Variants in TSC2 observed in about 807,000 individuals in gnomAD.
The protein encoded by TSC2 is TSC complex subunit 2, also known as tuberin.
In TSC2, 29 loss-of-function variants were observed where a neutral mutation model predicts 202.2. The ratio of observed to expected loss-of-function variants is 0.14; its 90% CI spans 0.11 to 0.20. The LOEUF (loss-of-function observed/expected upper bound fraction) is 0.20, where lower values mean the gene tolerates loss of function less well. Among genes scored for constraint, TSC2 ranks in the 10% least tolerant of loss-of-function variants. The pLI is 1.00. For missense variants in TSC2, 2,429 were observed against 2,420.0 expected (o/e 1.00, Z -0.08); for synonymous variants, 1,349 against 1,044.0 (o/e 1.29, Z -5.63).
In TSC2 at chr16:2,079,516, T is replaced by TG. The variant is rs973519533; in HGVS notation, c.3285-37dup. 2.5e-6 allele frequency: 4 copies of TG among 1,605,560 alleles called. No individual in the cohort carries two copies. In the African/African-American group the frequency reaches 5.4e-5, roughly 21 times the overall value. ...CCCACGTGGCACCCTCGTACCAGCC[T>TG]GGGGACTAAGTCCACCCTGTGCGTG... On this transcript the variant is annotated intron_variant, in intron 28 of 41. Coordinates refer to ENST00000219476, the MANE Select transcript of TSC2 (RefSeq NM_000548.5). The surrounding 1 kb of genome is among the most constrained non-coding windows in gnomAD (Gnocchi z 4.6).
chr16:2,084,514 C>T lies in TSC2; in HGVS notation c.4292C>T (p.Ser1431Leu), dbSNP rs375785710. Residue 1431 changes from serine (S) to leucine (L), a missense_variant, in exon 34 of 42, where the codon TCG becomes TTG. Physicochemically the swap from Ser to Leu is moderately radical, Grantham distance 145. Coordinates refer to ENST00000219476, the MANE Select transcript of TSC2 (RefSeq NM_000548.5). ...GTLDGESAAW[S>L]ASGEDSRGQP... Reference sequence around the variant, plus strand: ...CTGGACGGGGAAAGTGCTGCCTGGTCGGCCTCGGGCGAAGACAGTCGGGGC... The same window carrying T: ...CTGGACGGGGAAAGTGCTGCCTGGTTGGCCTCGGGCGAAGACAGTCGGGGC... The T allele has an allele frequency of 1.8e-5, 29 of 1,608,686 alleles. No individual in the cohort carries two copies. The highest frequency in any genetic ancestry group is 1.7e-4 in the Middle Eastern group (1 of 6,058).
intron 41 of TSC2, 55 bp downstream of exon 41, chr16:2,088,380 C>A (rs370562614): frequency 6.2e-7 from 1 of 1,612,156 alleles, no homozygotes. Context: ...AGCTGTGGGG[C>A]GGGTGTGTGG....
At position 2,088,895 on chromosome 16, in the gene TSC2, A is replaced by ACACC; in HGVS notation, c.*288_*289insCCAC. On this transcript the variant is annotated 3_prime_UTR_variant, in exon 42 of 42. Transcript: ENST00000219476. ...CGTGCGCGCGCGCACACACACACACACACAGTCACCTTCCTCCACCCTGGG... is the reference window on the plus strand; with the variant it reads ...CGTGCGCGCGCGCACACACACACACACACCCACAGTCACCTTCCTCCACCCTGGG... 2.3e-6 allele frequency: 1 copy of ACACC among 427,140 alleles called. No homozygotes were observed. The allele number at this position is 427,140 out of a possible 1,614,324, so 26.5% of individuals were successfully genotyped here. A position where few individuals can be genotyped will look rare whatever the true frequency, so the allele number is the denominator to read the frequency against.
rs370553131 is a variant in TSC2 at position 2,071,909 on chromosome 16, G to A, written c.2072G>A (p.Arg691His). 1.8e-5 allele frequency: 28 copies of A among 1,592,226 alleles called. No homozygotes were observed. The highest frequency in any genetic ancestry group is 4.0e-5 in the African/African-American group (3 of 74,554). The change falls in exon 19 of 42, where the codon CGC (arginine) becomes CAC (histidine). Residue 691 changes from arginine (R) to histidine (H), a missense_variant. By Grantham distance (29) the Arg-to-His change is conservative (BLOSUM62 0). Transcript: ENST00000219476. Reference protein sequence around the residue: ...LGSVPYSLLFRVLLQCLKQES... With the variant: ...LGSVPYSLLFHVLLQCLKQES... ...TCCGTGCCCTACTCCCTGCTCTTCCGCGTCCTGCTGCAGTGCTTGAAGCAG... is the reference window on the plus strand; with the variant it reads ...TCCGTGCCCTACTCCCTGCTCTTCCACGTCCTGCTGCAGTGCTTGAAGCAG...
intron 9 of TSC2, 44 bp from the exon 10 acceptor site, chr16:2,058,703 A>G (rs773676026): frequency 6.4e-7 from 1 of 1,555,858 alleles, no homozygotes; most frequent in Admixed American, 1.9e-5. Flanking sequence ...GGACCCTGGG[A>G]CAGGGCCCTG....
chr16:2,081,627 C>T lies in TSC2; in HGVS notation c.3643C>T (p.Pro1215Ser), dbSNP rs1555512332. The T allele has an allele frequency of 6.2e-7, 1 of 1,612,900 alleles. No homozygotes were observed. The highest frequency in any genetic ancestry group is 8.5e-7 in the Non-Finnish European group (1 of 1,180,004). The change falls in exon 31 of 42, where the codon CCG becomes TCG. Residue 1215 changes from proline to serine, a missense_variant. Physicochemically the swap from Pro to Ser is moderately conservative, Grantham distance 74. Coordinates refer to ENST00000219476, the MANE Select transcript of TSC2 (RefSeq NM_000548.5). ...NTSWLMSLEN[P>S]LSPFSSDINN... ...CAGCTGGCTGATGAGCCTGGAGAAC[C>T]CGCTCAGCCCTTTCTCCTCGGACAT...
rs1458277546 is a variant in TSC2 at position 2,079,736 on chromosome 16, G to A, written c.3397+67G>A. 6.7e-7 allele frequency: 1 copy of A among 1,492,534 alleles called. No homozygotes were observed. The highest frequency in any genetic ancestry group is 1.4e-5 in the African/African-American group (1 of 71,998). 92.5% of individuals were successfully genotyped at this position (1,492,534 alleles called of 1,614,324 possible). A position where few individuals can be genotyped will look rare whatever the true frequency, so the allele number is the denominator to read the frequency against. On this transcript the variant is annotated intron_variant, in intron 29 of 41. Transcript: ENST00000219476. The surrounding 1 kb of genome is among the most constrained non-coding windows in gnomAD (Gnocchi z 4.6). Reference sequence around the variant, plus strand: ...TCCCTCAGTTGCTGCTGGTCCCAGTGTTCAGGAAGGCCCCGAGCCCAGGGG... The same window carrying A: ...TCCCTCAGTTGCTGCTGGTCCCAGTATTCAGGAAGGCCCCGAGCCCAGGGG...
At chr16:2,055,932 G>A in intron 6 of TSC2, 1 of 568,302 alleles carries the variant, frequency 1.8e-6, no homozygotes, top group Non-Finnish European at 3.2e-6. Context: ...GCTATCTTCT[G>A]TTTAGCTCTC....
rs2091260004 is a variant in TSC2, at chr16:2,088,831, AGGGCCTTGAGGCTGCCT to A, written c.*227_*243del. 1 of 618,284 alleles carries A rather than the reference AGGGCCTTGAGGCTGCCT, an allele frequency of 1.6e-6. No individual in the cohort carries two copies. The highest frequency in any genetic ancestry group is 3.0e-5 in the Admixed American group (1 of 33,322). The allele number at this position is 618,284 out of a possible 1,614,324, so 38.3% of individuals were successfully genotyped here. On this transcript the variant is annotated 3_prime_UTR_variant, in exon 42 of 42. Transcript: ENST00000219476. ...ACAGAAGCAGGCACAGCCAGCTCCG[AGGGCCTTGAGGCTGCCT>A]GGGCCATACAGCACACTCGCGCGTG...
intron 5 of TSC2, chr16:2,054,704 G>A (rs1428020909): frequency 5.5e-6 from 3 of 543,526 alleles, no homozygotes; most frequent in Non-Finnish European, 9.9e-6. Flanking sequence ...CCTCTGCAAC[G>A]GCAGGAGCTG....
rs1203541600 is a variant in TSC2 at position 2,084,684 on chromosome 16, A to G, written c.4462A>G (p.Asn1488Asp). Residue 1488 changes from asparagine to aspartate, a missense_variant, in exon 34 of 42, where the codon AAT becomes GAT. By Grantham distance (23) the Asn-to-Asp change is conservative (BLOSUM62 1). Transcript: ENST00000219476. ...DALKSRATAS[N>D]AEKVPGINPS... ...CTTAAAGAGCAGAGCCACAGCCTCC[A>G]ATGCAGAGAAAGTGCCAGGCATCAA... 4 of 1,598,614 alleles carry G rather than the reference A, an allele frequency of 2.5e-6. No individual in the cohort carries two copies. Among genetic ancestry groups the G allele is most frequent in the South Asian group, 2.2e-5 (2 of 91,088 alleles).
chr16:2,082,242 C>G (rs137909979), intron 31 of TSC2, 194 bp from the exon 32 acceptor site: 109 of 647,284 alleles, frequency 1.7e-4, no homozygotes, highest in South Asian at 1.2e-3. Flanking sequence ...GACGTCTATT[C>G]ACGGGAGGAG....
chr16:2,082,234 C>T (rs1017126825), intron 31 of TSC2: 65 of 631,352 alleles, frequency 1.0e-4, no homozygotes, highest in Non-Finnish European at 1.4e-4. Flanking sequence ...CGGCCTAGGA[C>T]GTCTATTCAC....
In TSC2 at chr16:2,085,429, C is replaced by T. The variant is rs911660290; in HGVS notation, c.4662+107C>T. On this transcript the variant is annotated intron_variant, in intron 36 of 41. Coordinates refer to ENST00000219476, the MANE Select transcript of TSC2 (RefSeq NM_000548.5). ...AACGCCCCACAGAGCTCAACACTGCCGGGTCCCCTACAGCATGAAGTGCTC... is the reference window on the plus strand; with the variant it reads ...AACGCCCCACAGAGCTCAACACTGCTGGGTCCCCTACAGCATGAAGTGCTC... 78 of 1,203,698 alleles carry T rather than the reference C, an allele frequency of 6.5e-5. 1 individual carries two copies. Among genetic ancestry groups the T allele is most frequent in the Admixed American group, 3.6e-4 (19 of 53,444 alleles). The allele number at this position is 1,203,698 out of a possible 1,614,324, so 74.6% of individuals were successfully genotyped here.
At chr16:2,052,846 A>G (rs1181226872) in intron 3 of TSC2, among the ~76,000 whole-genome samples, 1 of 152,190 alleles carries the variant, frequency 6.6e-6, no homozygotes, top group Non-Finnish European at 1.5e-5. Context: ...CTTTCTCAGC[A>G]GGTCAGGCAG....
chr16:2,084,433 A>G lies in TSC2; in HGVS notation c.4211A>G (p.Lys1404Arg), dbSNP rs2090506505. 1 of 1,610,490 alleles carries G rather than the reference A, an allele frequency of 6.2e-7. No homozygotes were observed. Among genetic ancestry groups the G allele is most frequent in the African/African-American group, 1.3e-5 (1 of 74,960 alleles). Residue 1404 changes from lysine (K) to arginine (R), a missense_variant, in exon 34 of 42, where the codon AAG becomes AGG. Transcript: ENST00000219476. Reference sequence around the variant, plus strand: ...GACATCCTCGGGGACCCTGGGGACAAGGCCGACGTGGGCCGGCTGAGCCCT... The same window carrying G: ...GACATCCTCGGGGACCCTGGGGACAGGGCCGACGTGGGCCGGCTGAGCCCT... ...LQDILGDPGDKADVGRLSPEV... is the reference protein window; with the variant it reads ...LQDILGDPGDRADVGRLSPEV...
intron 10 of TSC2, 108 bp downstream of exon 10, chr16:2,058,981 C>G: frequency 6.6e-7 from 1 of 1,526,406 alleles, no homozygotes; most frequent in Non-Finnish European, 8.8e-7. Context: ...GGTGGCATTT[C>G]TAGGCCTTTC....
At position 2,057,090 on chromosome 16, in the gene TSC2, CAT is replaced by C. The variant is rs1555499015; in HGVS notation, c.775-14_775-13del. On this transcript the variant is annotated splice_polypyrimidine_tract_variant and intron_variant, in intron 8 of 41. Coordinates refer to ENST00000219476, the MANE Select transcript of TSC2 (RefSeq NM_000548.5). Reference sequence around the variant, plus strand: ...CTTATGCCTGCCAGCCCCTGACACGCATTGTGTCTCGCAGCTGATGCGGAACC... The same window carrying C: ...CTTATGCCTGCCAGCCCCTGACACGCTGTGTCTCGCAGCTGATGCGGAACC... The C allele has an allele frequency of 6.4e-7, 1 of 1,551,106 alleles. No individual in the cohort carries two copies. Among genetic ancestry groups the C allele is most frequent in the Non-Finnish European group, 8.7e-7 (1 of 1,146,966 alleles).
chr16:2,060,864 G>T (rs779176644), intron 11 of TSC2, 51 bp downstream of exon 11: 2 of 1,604,910 alleles, frequency 1.2e-6, no homozygotes, highest in East Asian at 2.2e-5. Context: ...AGACAGGCAG[G>T]CTCGGCCCAC....
Sources: allele counts gnomAD v4.1 joint callset (sites outside exome capture counted in the v4.1 genomes callset), GRCh38; gene constraint gnomAD v4.1.1; non-coding constraint Gnocchi (gnomAD v3.1); transcripts MANE v1.5; gene names NCBI Gene and HGNC (gene_info 2026-07-23, HGNC 2026-07-21).